The following SHOC2 variants were observed in gnomAD, a reference collection of about 807,000 sequenced individuals.
SHOC2 encodes SHOC2 leucine rich repeat scaffold protein.
Under a neutral mutation model 50.2 loss-of-function variants are expected in SHOC2, and 4 were observed. That is an observed-to-expected ratio of 0.08 (90% CI 0.04 to 0.18). The LOEUF (loss-of-function observed/expected upper bound fraction) is 0.18. Ranked by LOEUF, SHOC2 falls within the 10% of genes least tolerant of loss-of-function variation. The pLI is 1.00. For missense variants in SHOC2, 388 were observed against 669.6 expected (o/e 0.58, Z 4.64); for synonymous variants, 218 against 244.5 (o/e 0.89, Z 1.01).
chr10:111,001,528 C>CTAA (rs902324751), intron 4 of SHOC2, among the ~76,000 whole-genome samples: 9 of 152,108 alleles, frequency 5.9e-5, no homozygotes, highest in African/African-American at 2.2e-4. Flanking sequence ...CTTTTCCCAC[C>CTAA]TATTTTAGCA....
At chr10:110,975,370 C>T (rs1460505446) in intron 2 of SHOC2, among the ~76,000 whole-genome samples, 1 of 152,048 alleles carries the variant, frequency 6.6e-6, no homozygotes, top group Non-Finnish European at 1.5e-5. Flanking sequence ...TCTCGATCTC[C>T]TGACCTCGTG....
chr10:110,970,329 C>T (rs1179495606), intron 2 of SHOC2, among the ~76,000 whole-genome samples: 2 of 152,172 alleles, frequency 1.3e-5, no homozygotes, highest in East Asian at 1.9e-4. Flanking sequence ...TTTCACTTAA[C>T]ATAATGTCCT....
intron 1 of SHOC2, among the ~76,000 whole-genome samples, chr10:110,925,290 C>G (rs1224546657): frequency 6.6e-6 from 1 of 151,940 alleles, no homozygotes; most frequent in Admixed American, 6.5e-5. Flanking sequence ...GTAAGTCAGA[C>G]TGTATGGTCA....
chr10:110,982,695 A>T (rs1283838444), intron 2 of SHOC2, among the ~76,000 whole-genome samples: 1 of 151,610 alleles, frequency 6.6e-6, no homozygotes, highest in Admixed American at 6.6e-5. Flanking sequence ...CCACTTTTTG[A>T]TGGGGTTGTT....
At chr10:110,920,740 T>C (rs1265854916) in intron 1 of SHOC2, among the ~76,000 whole-genome samples, 1 of 152,216 alleles carries the variant, frequency 6.6e-6, no homozygotes, top group African/African-American at 2.4e-5. Context: ...GAGGAAGCAC[T>C]GTTTTGCAAC....
At position 111,013,455 on chromosome 10, in the gene SHOC2, C is replaced by T. The variant is rs546692011; in HGVS notation, c.*1637C>T. The T allele has an allele frequency of 2.0e-5, 3 of 151,848 alleles. No individual in the cohort carries two copies. The highest frequency in any genetic ancestry group is 2.1e-4 in the South Asian group (1 of 4,806). 9.4% of individuals were successfully genotyped at this position (151,848 alleles called of 1,614,324 possible). ...CTAGTTTTGAGGTCAAACCTATGTT[C>T]GTAATGAGAGATTTTATAAGGATCA... is the stretch of plus-strand genomic sequence containing the variant. On this transcript the variant is annotated 3_prime_UTR_variant, in exon 9 of 9. Transcript: ENST00000369452.
chr10:111,009,635 T>A, intron 7 of SHOC2, 78 bp from the exon 8 acceptor site: 1 of 918,022 alleles, frequency 1.1e-6, no homozygotes, highest in Non-Finnish European at 1.8e-6. Context: ...TATTTTATTG[T>A]TTAGACATAT....
At chr10:111,008,715 T>C (rs959991837) in intron 6 of SHOC2, among the ~76,000 whole-genome samples, 1 of 152,152 alleles carries the variant, frequency 6.6e-6, no homozygotes, top group Non-Finnish European at 1.5e-5. Flanking sequence ...GTATCTGTTT[T>C]ACCTATTGCT....
At chr10:110,981,856 T>A (rs1217424677) in intron 2 of SHOC2, among the ~76,000 whole-genome samples, 1 of 1,062 alleles carries the variant, frequency 9.4e-4, no homozygotes, top group African/African-American at 1.1e-3. Context: ...ATTTATTTAT[T>A]TATTTATTTA....
intron 6 of SHOC2, among the ~76,000 whole-genome samples, chr10:111,007,879 T>G (rs113055222): frequency 6.6e-6 from 1 of 152,022 alleles, no homozygotes; most frequent in Non-Finnish European, 1.5e-5. Flanking sequence ...TGTCTTTGAG[T>G]GCCATAAAGT....
rs773832347 is a variant in SHOC2, at chr10:110,964,856, T to C, written c.498T>C (p.Asp166=). ...TTACCAGTTTGCCTGACTCTCTTGA[T>C]AACTTGAAGAAGCTGCGGATGCTTG... ...NSLTSLPDSL[D]NLKKLRMLDL... Residue 166 remains aspartate (D), a synonymous_variant, in exon 2 of 9, where the codon GAT becomes GAC. Coordinates refer to ENST00000369452, the MANE Select transcript of SHOC2 (RefSeq NM_007373.4). The surrounding 1 kb of genome is among the most constrained non-coding windows in gnomAD (Gnocchi z 4.9). The C allele has an allele frequency of 2.5e-6, 4 of 1,614,076 alleles. No homozygotes were observed. The highest frequency in any genetic ancestry group is 3.4e-6 in the Non-Finnish European group (4 of 1,179,954).
At chr10:110,993,557 C>T (rs1032696608) in intron 3 of SHOC2, among the ~76,000 whole-genome samples, 5 of 152,014 alleles carry the variant, frequency 3.3e-5, no homozygotes, top group Admixed American at 6.6e-5. Flanking sequence ...CAACCCCTTC[C>T]GCCCCAGCAA....
chr10:111,007,682 T>C lies in SHOC2; in HGVS notation c.1284+29T>C, dbSNP rs765796658. 2.2e-5 allele frequency: 36 copies of C among 1,610,380 alleles called. No homozygotes were observed. In the South Asian group the frequency reaches 2.9e-4, roughly 13 times the overall value. On this transcript the variant is annotated intron_variant, in intron 6 of 8. Coordinates refer to ENST00000369452, the MANE Select transcript of SHOC2 (RefSeq NM_007373.4). Reference sequence around the variant, plus strand: ...AGTATAAATGAGCAATTAGAGAACTTCAGAACCTTCCATACGTATCTCATT... The same window carrying C: ...AGTATAAATGAGCAATTAGAGAACTCCAGAACCTTCCATACGTATCTCATT...
chr10:110,930,764 T>C (rs562155054), intron 1 of SHOC2, among the ~76,000 whole-genome samples: 139 of 112,638 alleles, frequency 1.2e-3, no homozygotes, highest in African/African-American at 4.0e-3. Flanking sequence ...AGTGTTTGTG[T>C]GGCATTTAAA....
Position 111,007,584 on chromosome 10 carries a change from A to G in SHOC2, c.1215A>G (p.Val405=), listed in dbSNP as rs749123957. 16 of 1,613,756 alleles carry G rather than the reference A, an allele frequency of 9.9e-6. No individual in the cohort carries two copies. Among genetic ancestry groups the G allele is most frequent in the Non-Finnish European group, 1.4e-5 (16 of 1,179,728 alleles). Residue 405 remains valine, a synonymous_variant, in exon 6 of 9, where the codon GTA becomes GTG. Coordinates refer to ENST00000369452, the MANE Select transcript of SHOC2 (RefSeq NM_007373.4). ...PLDFGTWTSM[V]ELNLATNQLT... ...ATTTTGGAACTTGGACCAGTATGGT[A>G]GAATTGAATTTAGCCACTAATCAGC...
chr10:110,919,515 A>G (rs1392118392), upstream of SHOC2: 2 of 169,168 alleles, frequency 1.2e-5, no homozygotes, highest in Non-Finnish European at 2.0e-5. Context: ...CTGGAGCGAG[A>G]GTAGTGGCGG....
At chr10:110,981,677 T>C (rs1847978354) in intron 2 of SHOC2, among the ~76,000 whole-genome samples, 1 of 152,130 alleles carries the variant, frequency 6.6e-6, no homozygotes, top group Non-Finnish European at 1.5e-5. Flanking sequence ...TTGTTAAAAG[T>C]TTTCCTTGTA....
At chr10:110,926,020 G>A (rs556177168) in intron 1 of SHOC2, among the ~76,000 whole-genome samples, 1 of 152,138 alleles carries the variant, frequency 6.6e-6, no homozygotes, top group African/African-American at 2.4e-5. Flanking sequence ...TGGTGTCATC[G>A]GCTTGGTTAC....
chr10:110,980,051 T>A (rs1420988437), intron 2 of SHOC2, among the ~76,000 whole-genome samples: 2 of 152,298 alleles, frequency 1.3e-5, no homozygotes, highest in East Asian at 1.9e-4. Context: ...GTGTGTGAGT[T>A]TGTGTTTTAA....
Sources: gnomAD v4.1 joint callset for allele counts (sites outside exome capture counted in the v4.1 genomes callset) on GRCh38, gnomAD v4.1.1 for gene constraint, Gnocchi (gnomAD v3.1) non-coding constraint, MANE v1.5 for transcripts, NCBI Gene and HGNC (gene_info 2026-07-23, HGNC 2026-07-21) for gene names.